The following SSPN variants were observed in gnomAD, a reference collection of about 807,000 sequenced individuals.
The protein encoded by SSPN is K-ras oncogene-associated protein.
A neutral mutation model predicts 19.1 loss-of-function variants in SSPN; 15 were observed. The ratio of observed to expected loss-of-function variants is 0.78; its 90% CI spans 0.52 to 1.21. The LOEUF is 1.21. Among genes scored for constraint, SSPN ranks in the 50% most tolerant of loss-of-function variants. SSPN has a pLI of 0.00. For missense variants in SSPN, 291 were observed against 314.0 expected, an observed-to-expected ratio of 0.93 and a Z score of 0.55; for synonymous variants, 147 against 140.3, an observed-to-expected ratio of 1.05 and a Z score of -0.34.
At chr12:26,171,666 G>T (rs777679236) in intron 1 of SSPN, among the ~76,000 whole-genome samples, 1 of 151,660 alleles carries the variant, frequency 6.6e-6, no homozygotes, top group African/African-American at 2.4e-5. Flanking sequence ...TTTCATCAAA[G>T]TATTTATGTG....
intron 1 of SSPN, among the ~76,000 whole-genome samples, chr12:26,197,460 T>G (rs1944840178): frequency 6.6e-6 from 1 of 152,254 alleles, no homozygotes; most frequent in Non-Finnish European, 1.5e-5. Flanking sequence ...AAAATATGTC[T>G]GTCCTTTAAT....
intron 1 of SSPN, chr12:26,122,582 G>A (rs1343673452): frequency 1.2e-5 from 13 of 1,112,924 alleles, no homozygotes; most frequent in Non-Finnish European, 1.4e-5. Context: ...GCGCGGCCGC[G>A]GCGGCAGGGT....
chr12:26,137,015 A>G (rs1181949599), intron 1 of SSPN, among the ~76,000 whole-genome samples: 2 of 152,124 alleles, frequency 1.3e-5, no homozygotes, highest in Non-Finnish European at 2.9e-5. Flanking sequence ...ATCTTGACTT[A>G]TTTCTTCTTT....
chr12:26,155,857 C>A (rs1298462965), intron 1 of SSPN, among the ~76,000 whole-genome samples: 2 of 152,128 alleles, frequency 1.3e-5, no homozygotes, highest in African/African-American at 4.8e-5. Context: ...GTGAACAGGG[C>A]AAGTCAGAAG....
chr12:26,173,165 A>T (rs1458859962), intron 1 of SSPN, among the ~76,000 whole-genome samples: 1 of 152,102 alleles, frequency 6.6e-6, no homozygotes, highest in Non-Finnish European at 1.5e-5. Context: ...GTGATTTCCA[A>T]CTTCCAGAAC....
Position 26,182,581 on chromosome 12 carries a change from C to CCCCTTCCCTTCCCTT in SSPN, c.-30-41657_-30-41643dup, listed in dbSNP as rs67332101. Among the ~76,000 whole-genome samples, 416 of 100,386 alleles carry CCCCTTCCCTTCCCTT rather than the reference C, an allele frequency of 4.1e-3. 2 individuals are homozygous for CCCCTTCCCTTCCCTT. Among genetic ancestry groups the CCCCTTCCCTTCCCTT allele is most frequent in the Non-Finnish European group, 5.4e-3 (290 of 53,848 alleles). 65.9% of individuals were successfully genotyped at this position (100,386 alleles called of 152,430 possible). On this transcript the variant is annotated intron_variant, in intron 1 of 2. Coordinates refer to the SSPN transcript ENST00000538142. ...CCCCGTCTCCCTTCCCCTTCCCCTT[C>CCCCTTCCCTTCCCTT]CCCTTCCCTTCCCTTCCCTTCCCTT...
chr12:26,232,485 A>G lies in SSPN; in HGVS notation c.*1409A>G. 1 of 985,424 alleles carries G rather than the reference A, an allele frequency of 1.0e-6. No individual in the cohort carries two copies. Among genetic ancestry groups the G allele is most frequent in the Non-Finnish European group, 1.2e-6 (1 of 829,910 alleles). The allele number at this position is 985,424 out of a possible 1,614,324, so 61.0% of individuals were successfully genotyped here. On this transcript the variant is annotated 3_prime_UTR_variant, in exon 3 of 3. Coordinates refer to ENST00000242729, the MANE Select transcript of SSPN (RefSeq NM_005086.5). Reference sequence around the variant, plus strand: ...GAACTTTATCAGTATGCTTTGTTGAAAGCAGAAATTAAGATAATAATTGAG... The same window carrying G: ...GAACTTTATCAGTATGCTTTGTTGAGAGCAGAAATTAAGATAATAATTGAG...
chr12:26,139,963 T>C (rs1944449371), intron 1 of SSPN, among the ~76,000 whole-genome samples: 1 of 152,196 alleles, frequency 6.6e-6, no homozygotes, highest in South Asian at 2.1e-4. Flanking sequence ...CTGGATATGC[T>C]CTTGCCCTCC....
rs1565672976 is a variant in SSPN, at chr12:26,151,425, A to ACCC, written c.-31+29274_-31+29276dup. 2.6e-5 allele frequency among the ~76,000 whole-genome samples: 4 copies of ACCC among 152,282 alleles called. No individual in the cohort carries two copies. In the South Asian group the frequency reaches 8.3e-4, roughly 32 times the overall value. On this transcript the variant is annotated intron_variant, in intron 1 of 2. Transcript: ENST00000538142. ...ATTGTGTTATTTTTCTCTTGCTGTT[A>ACCC]CCCAGCACAACTGCCCCCTTAAAAT...
At chr12:26,189,370 T>A (rs1423327264) in intron 1 of SSPN, among the ~76,000 whole-genome samples, 2 of 152,170 alleles carry the variant, frequency 1.3e-5, no homozygotes, top group Non-Finnish European at 2.9e-5. Context: ...GATCCTACAT[T>A]CATACGTACA....
chr12:26,203,811 G>A (rs1282395190), intron 1 of SSPN, among the ~76,000 whole-genome samples: 3 of 152,164 alleles, frequency 2.0e-5, no homozygotes, highest in Non-Finnish European at 4.4e-5. Context: ...AACATGGTCA[G>A]GGGCTAGGGA....
At chr12:26,127,932 A>G (rs1325652509) in intron 1 of SSPN, among the ~76,000 whole-genome samples, 1 of 152,234 alleles carries the variant, frequency 6.6e-6, no homozygotes, top group Non-Finnish European at 1.5e-5. Context: ...TTAAGATTAG[A>G]GTACCAGACT....
chr12:26,145,756 A>G (rs527287868), intron 1 of SSPN, among the ~76,000 whole-genome samples: 32 of 152,330 alleles, frequency 2.1e-4, no homozygotes, highest in Admixed American at 3.9e-4. Context: ...GTACAATTCC[A>G]TGTAGACAGA....
chr12:26,199,160 A>G (rs886965362), intron 1 of SSPN, among the ~76,000 whole-genome samples: 1 of 152,214 alleles, frequency 6.6e-6, no homozygotes, highest in Admixed American at 6.5e-5. Context: ...AAATCCACTT[A>G]GGTGACTTCT....
chr12:26,140,685 T>C (rs760541633), intron 1 of SSPN, among the ~76,000 whole-genome samples: 9 of 152,222 alleles, frequency 5.9e-5, no homozygotes, highest in Non-Finnish European at 1.0e-4. Flanking sequence ...TTCCTCCTGC[T>C]ACGGCCATGT....
chr12:26,197,611 A>G (rs2137459078), intron 1 of SSPN, among the ~76,000 whole-genome samples: 1 of 152,296 alleles, frequency 6.6e-6, no homozygotes, highest in Non-Finnish European at 1.5e-5. Flanking sequence ...TGGAGAAAAA[A>G]CTTATTTTAG....
intron 1 of SSPN, among the ~76,000 whole-genome samples, chr12:26,212,415 C>T (rs577523498): frequency 1.3e-5 from 2 of 152,150 alleles, no homozygotes; most frequent in Non-Finnish European, 2.9e-5. Flanking sequence ...TTGACTTTTC[C>T]CTGAGAAATT....
At chr12:26,169,593 A>ATATT (rs1244268579) in intron 1 of SSPN, among the ~76,000 whole-genome samples, 3 of 120,596 alleles carry the variant, frequency 2.5e-5, no homozygotes, top group African/African-American at 8.3e-5. Context: ...ATATATATAT[A>ATATT]TTTTTTTTTC....
At chr12:26,122,442 GC>G in intron 1 of SSPN, 1 of 1,356,698 alleles carries the variant, frequency 7.4e-7, no homozygotes, top group Non-Finnish European at 9.6e-7. Context: ...GGCGGCAGCT[GC>G]AGAAGGCGAG....
Sources: allele counts gnomAD v4.1 joint callset (sites outside exome capture counted in the v4.1 genomes callset), GRCh38; gene constraint gnomAD v4.1.1; transcripts MANE v1.5; gene names NCBI Gene and HGNC (gene_info 2026-07-23, HGNC 2026-07-21).